The following DYNLT5 variants were observed in gnomAD, a reference collection of about 807,000 sequenced individuals.
DYNLT5 encodes dynein light chain Tctex-type family member 5.
DYNLT5 carries 25 observed loss-of-function variants against 19.3 expected under a neutral mutation model. That is an observed-to-expected ratio of 1.30 (90% CI 0.95 to 1.81). The LOEUF (loss-of-function observed/expected upper bound fraction) is 1.81, where lower values mean the gene tolerates loss of function less well. DYNLT5 is among the 40% of genes most tolerant of loss of function. DYNLT5 has a pLI of 0.00. For missense variants in DYNLT5, 232 were observed against 217.9 expected (o/e 1.06, Z -0.41); for synonymous variants, 82 against 68.9 (o/e 1.19, Z -0.94).
intron 2 of DYNLT5, among the ~76,000 whole-genome samples, chr1:66,768,071 A>G (rs1300864257): frequency 1.3e-5 from 2 of 152,306 alleles, no homozygotes; most frequent in East Asian, 3.9e-4. Flanking sequence ...GTTCATTATA[A>G]TTTTCTTTAT....
Position 66,760,949 on chromosome 1 carries a change from C to T in DYNLT5, c.119+6172C>T, listed in dbSNP as rs539198045. On this transcript the variant is annotated intron_variant, in intron 2 of 4. Transcript: ENST00000282670. ...ATTACCTTCAATTACTCCAGAGCTG[C>T]GCTTTTCACAGGTTGCATGGTTCAT... Among the ~76,000 whole-genome samples the T allele has an allele frequency of 1.3e-4, 20 of 152,338 alleles. No homozygotes were observed. The South Asian group carries it at 2.9e-3, about 22-fold the overall frequency.
chr1:66,769,086 T>C (rs2150865835), intron 2 of DYNLT5, among the ~76,000 whole-genome samples: 1 of 152,318 alleles, frequency 6.6e-6, no homozygotes, highest in Middle Eastern at 3.4e-3. Context: ...ACATTGGGTT[T>C]TTTAAGCAGC....
At chr1:66,761,298 C>A (rs7524438) in intron 2 of DYNLT5, among the ~76,000 whole-genome samples, 2,040 of 152,220 alleles carry the variant, frequency 0.013, 43 homozygotes, top group African/African-American at 0.046. Flanking sequence ...TATTCAATAG[C>A]ATTTTATCTA....
rs117810476 is a variant in DYNLT5, at chr1:66,775,872, C to T, written c.212-407C>T. ...GGCACTGTGGTAGCGGGAGAAGGGG[C>T]AGTAGGGAATCACACTTTAGACCTC... On this transcript the variant is annotated intron_variant, in intron 3 of 4. Coordinates refer to ENST00000282670, the MANE Select transcript of DYNLT5 (RefSeq NM_152665.3). 6.0e-4 allele frequency among the ~76,000 whole-genome samples: 91 copies of T among 152,222 alleles called. 4 individuals carry two copies. The highest frequency in any genetic ancestry group is 1.7e-3 in the East Asian group (9 of 5,182).
In DYNLT5 at chr1:66,778,203, G is replaced by A. The variant is rs1645248264; in HGVS notation, c.*749G>A. On this transcript the variant is annotated 3_prime_UTR_variant, in exon 5 of 5. Transcript: ENST00000282670. Reference sequence around the variant, plus strand: ...ATATACATGATGCTTAATACTAAATGTGTCTGTAACACATAAAATCATTTA... The same window carrying A: ...ATATACATGATGCTTAATACTAAATATGTCTGTAACACATAAAATCATTTA... 1 of 152,626 alleles carries A rather than the reference G, an allele frequency of 6.6e-6. No homozygotes were observed. The highest frequency in any genetic ancestry group is 1.5e-5 in the Non-Finnish European group (1 of 68,038). 9.5% of individuals were successfully genotyped at this position (152,626 alleles called of 1,614,324 possible).
chr1:66,774,408 T>TGACCTA (rs1553202465), intron 3 of DYNLT5, among the ~76,000 whole-genome samples: 1 of 151,576 alleles, frequency 6.6e-6, no homozygotes, highest in Admixed American at 6.6e-5. Flanking sequence ...AAGAACCACT[T>TGACCTA]TCTAGATTCA....
rs1050078698 is a variant in DYNLT5, at chr1:66,768,779, GATTA to G, written c.120-1603_120-1600del. 3.9e-5 allele frequency: 6 copies of G among 152,112 alleles called. No homozygotes were observed. The South Asian group carries it at 8.3e-4, about 21-fold the overall frequency. 9.4% of individuals were successfully genotyped at this position (152,112 alleles called of 1,614,324 possible). ...TATGCAAGTAAGTTTTAATTGCAGTGATTAATTATTTCATTGTCCCTATTTTCAT... is the reference window on the plus strand; with the variant it reads ...TATGCAAGTAAGTTTTAATTGCAGTGATTATTTCATTGTCCCTATTTTCAT... On this transcript the variant is annotated intron_variant, in intron 2 of 4. Coordinates refer to ENST00000282670, the MANE Select transcript of DYNLT5 (RefSeq NM_152665.3).
intron 1 of DYNLT5, 29 bp from the exon 2 acceptor site, chr1:66,754,627 T>C: frequency 5.1e-6 from 8 of 1,574,030 alleles, no homozygotes; most frequent in Non-Finnish European, 6.9e-6. Context: ...ATCTTTCTTT[T>C]GCTATTTTAC....
intron 2 of DYNLT5, among the ~76,000 whole-genome samples, chr1:66,769,343 T>A (rs1645187991): frequency 6.6e-6 from 1 of 152,170 alleles, no homozygotes. Context: ...TAAAAATAGA[T>A]TACCCGTGAT....
At chr1:66,762,345 A>G (rs149891669) in intron 2 of DYNLT5, among the ~76,000 whole-genome samples, 231 of 152,298 alleles carry the variant, frequency 1.5e-3, no homozygotes, top group African/African-American at 5.1e-3. Flanking sequence ...GAATCTATGT[A>G]TTATTTTCAT....
rs1252074096 is a variant in DYNLT5, at chr1:66,777,737, T to A, written c.*283T>A. On this transcript the variant is annotated 3_prime_UTR_variant, in exon 5 of 5. Transcript: ENST00000282670. ...AAATATTTGTTTTGGTACTAATTAT[T>A]TTAATTATTCTTTAATTAGAGTGTT... 4.2e-6 allele frequency: 1 copy of A among 236,338 alleles called. No homozygotes were observed. Among genetic ancestry groups the A allele is most frequent in the Non-Finnish European group, 8.2e-6 (1 of 121,530 alleles). The allele number at this position is 236,338 out of a possible 1,614,324, so 14.6% of individuals were successfully genotyped here. A position where few individuals can be genotyped will look rare whatever the true frequency, so the allele number is the denominator to read the frequency against.
At chr1:66,776,178 T>A in intron 3 of DYNLT5, 101 bp from the exon 4 acceptor site, 1 of 1,453,514 alleles carries the variant, frequency 6.9e-7, no homozygotes, top group South Asian at 1.5e-5. Flanking sequence ...ACCCAGAAGA[T>A]TAAATCCCTC....
rs1161311049 is a variant in DYNLT5 at position 66,778,013 on chromosome 1, A to G, written c.*559A>G. ...GCTGAGGTAGAATTAATGGCTTCATAACAATTATCGTGGTCCCACGGGCTG... is the reference window on the plus strand; with the variant it reads ...GCTGAGGTAGAATTAATGGCTTCATGACAATTATCGTGGTCCCACGGGCTG... On this transcript the variant is annotated 3_prime_UTR_variant, in exon 5 of 5. Transcript: ENST00000282670. 6.5e-6 allele frequency: 1 copy of G among 152,754 alleles called. No homozygotes were observed. The highest frequency in any genetic ancestry group is 1.5e-5 in the Non-Finnish European group (1 of 68,106). 9.5% of individuals were successfully genotyped at this position (152,754 alleles called of 1,614,324 possible).
rs576024946 is a variant in DYNLT5, at chr1:66,757,569, C to T, written c.119+2792C>T. ...CTGTCTGAGTCCAGACAGTACACTA[C>T]ACAGTGGTCATCATACTCCATCTGT... is the stretch of plus-strand genomic sequence containing the variant. On this transcript the variant is annotated intron_variant, in intron 2 of 4. Coordinates refer to ENST00000282670, the MANE Select transcript of DYNLT5 (RefSeq NM_152665.3). 2.6e-5 allele frequency among the ~76,000 whole-genome samples: 4 copies of T among 152,242 alleles called. No homozygotes were observed. In the East Asian group the frequency reaches 5.8e-4, roughly 22 times the overall value.
Position 66,770,180 on chromosome 1 carries a change from C to A in DYNLT5, c.120-207C>A, listed in dbSNP as rs992628093. On this transcript the variant is annotated intron_variant, in intron 2 of 4. Transcript: ENST00000282670. The stretch of plus-strand genomic sequence containing the variant: ...CTGGGCTTCAGCCATCACATTGAGA[C>A]CTGCTCCAAATAATTCCTCTGCATC... Among the ~76,000 whole-genome samples the A allele has an allele frequency of 2.6e-5, 4 of 152,176 alleles. No individual in the cohort carries two copies. The South Asian group carries it at 6.2e-4, about 24-fold the overall frequency.
chr1:66,752,537 G>A lies in DYNLT5; in HGVS notation c.-51G>A. On this transcript the variant is annotated 5_prime_UTR_variant, in exon 1 of 5. Coordinates refer to ENST00000282670, the MANE Select transcript of DYNLT5 (RefSeq NM_152665.3). ...GGGAGCCGCGCCGCGCGCAGTGTCT[G>A]CAGTGCCGGAGGTCTGGGAGGCTCC... 1 of 985,614 alleles carries A rather than the reference G, an allele frequency of 1.0e-6. No individual in the cohort carries two copies. The highest frequency in any genetic ancestry group is 1.2e-6 in the Non-Finnish European group (1 of 830,054). The allele number at this position is 985,614 out of a possible 1,614,324, so 61.1% of individuals were successfully genotyped here. A position where few individuals can be genotyped will look rare whatever the true frequency, so the allele number is the denominator to read the frequency against.
rs1645243075 is a variant in DYNLT5, at chr1:66,777,395, G to A, written c.481G>A (p.Val161Ile). The A allele has an allele frequency of 2.5e-6, 4 of 1,613,718 alleles. No individual in the cohort carries two copies. In the Admixed American group the frequency reaches 6.7e-5, roughly 27 times the overall value. The change falls in exon 5 of 5, where the codon GTT (valine) becomes ATT (isoleucine). Residue 161 changes from valine (V) to isoleucine (I), a missense_variant. Transcript: ENST00000282670. The stretch of plus-strand genomic sequence containing the variant: ...TAAAAGTGATACCTTTTCATCTTAT[G>A]TTTTCAGAAATTCTTCTCTCTTCGC... ...DPKSDTFSSY[V>I]FRNSSLFALA...
At chr1:66,769,715 G>C (rs1051653361) in intron 2 of DYNLT5, among the ~76,000 whole-genome samples, 3 of 152,084 alleles carry the variant, frequency 2.0e-5, no homozygotes, top group Non-Finnish European at 2.9e-5. Flanking sequence ...AGACAGTGGG[G>C]CCTCCTCTTT....
At chr1:66,756,388 A>G (rs1397491543) in intron 2 of DYNLT5, among the ~76,000 whole-genome samples, 1 of 152,210 alleles carries the variant, frequency 6.6e-6, no homozygotes, top group Non-Finnish European at 1.5e-5. Flanking sequence ...GTCTGGAATT[A>G]GACAGTACAA....
Sources: allele counts gnomAD v4.1 joint callset (sites outside exome capture counted in the v4.1 genomes callset), GRCh38; gene constraint gnomAD v4.1.1; transcripts MANE v1.5; gene names NCBI Gene and HGNC (gene_info 2026-07-23, HGNC 2026-07-21).